The following REPS2 variants were observed in gnomAD, a reference collection of about 807,000 sequenced individuals.
REPS2 encodes ralBP1-associated Eps domain-containing protein 2.
In REPS2, 23 loss-of-function variants were observed where a neutral mutation model predicts 53.6. The observed-to-expected ratio is 0.43, with a 90% CI of 0.31 to 0.61. REPS2 has a LOEUF of 0.61. REPS2 is among the 20% of genes least tolerant of loss of function. The pLI is 0.11. For synonymous variants in REPS2, 238 were observed against 218.6 expected (o/e 1.09, Z -0.78); for missense variants, 446 against 534.9 (o/e 0.83, Z 1.64).
intron 14 of REPS2, among the ~76,000 whole-genome samples, chrX:17,122,752 CAGCTATTTCTAATTGAAAAATTTTAA>C (rs755741733): frequency 3.2e-4 from 36 of 111,996 alleles, no homozygotes; most frequent in Admixed American, 1.0e-3. Context: ...CCTTTCTGGC[CAGCTATTTCTAATTGAAAAATTTTAA>C]AGCCACATTA....
chrX:17,096,661 A>G (rs2062706026), intron 13 of REPS2, among the ~76,000 whole-genome samples: 1 of 21,698 alleles, frequency 4.6e-5, no homozygotes. Flanking sequence ...CTCCGTCTCA[A>G]AAAAAAAAAA....
At chrX:17,068,535 T>A in intron 10 of REPS2, 64 bp downstream of exon 10, 1 of 895,760 alleles carries the variant, frequency 1.1e-6, no homozygotes, top group Non-Finnish European at 1.6e-6. Flanking sequence ...CTACTCCTCT[T>A]GGAATGGTGG....
chrX:17,046,020 G>A (rs1485935788), intron 5 of REPS2, among the ~76,000 whole-genome samples: 1 of 110,120 alleles, frequency 9.1e-6, no homozygotes, highest in Non-Finnish European at 1.9e-5. Context: ...GGGTGGAATT[G>A]CCCGCCCAAT....
At position 17,062,453 on chromosome X, in the gene REPS2, A is replaced by G; in HGVS notation, c.1130A>G (p.Lys377Arg). Residue 377 changes from lysine (K) to arginine (R), a missense_variant, in exon 9 of 18, where the codon AAA becomes AGA. Transcript: ENST00000357277. ...EYLQAAFPKP[K>R]WDCQLFDSYS... Reference sequence around the variant, plus strand: ...TTCTTCTTAGCTTTTCCTAAGCCCAAATGGGACTGTCAATTATTTGATTCT... The same window carrying G: ...TTCTTCTTAGCTTTTCCTAAGCCCAGATGGGACTGTCAATTATTTGATTCT... 8.3e-7 allele frequency: 1 copy of G among 1,201,890 alleles called. No homozygotes were observed. The highest frequency in any genetic ancestry group is 1.1e-6 in the Non-Finnish European group (1 of 890,001).
chrX:16,966,007 A>G (rs1021341853), intron 1 of REPS2, among the ~76,000 whole-genome samples: 11 of 112,579 alleles, frequency 9.8e-5, no homozygotes, highest in Non-Finnish European at 2.1e-4. Flanking sequence ...GCACTCGGCA[A>G]GCTGAGGCAG....
rs772334608 is a variant in REPS2 at position 17,050,137 on chromosome X, T to TCTTCCTTCCTTCCTTCCTTCCTTCCTTC, written c.908-2238_908-2237insCCTTCCTTCCTTCCTTCCTTCCTTCCTT. ...TATGTTTCTTCTTTCTTTCTTCCTT[T>TCTTCCTTCCTTCCTTCCTTCCTTCCTTC]CTTCCTTTCTTTCTTTCTTTCTTTC... On this transcript the variant is annotated intron_variant, in intron 6 of 17. Coordinates refer to ENST00000357277, the MANE Select transcript of REPS2 (RefSeq NM_004726.3). Among the ~76,000 whole-genome samples, 13 of 48,997 alleles carry TCTTCCTTCCTTCCTTCCTTCCTTCCTTC rather than the reference T, an allele frequency of 2.7e-4. 1 individual carries two copies. Among genetic ancestry groups the TCTTCCTTCCTTCCTTCCTTCCTTCCTTC allele is most frequent in the Admixed American group, 4.2e-4 (1 of 2,409 alleles). The allele number at this position is 48,997 out of a possible 115,157, so 42.5% of individuals were successfully genotyped here.
intron 17 of REPS2, among the ~76,000 whole-genome samples, chrX:17,144,380 A>T (rs1339935949): frequency 8.9e-6 from 1 of 112,790 alleles, no homozygotes; most frequent in African/African-American, 3.2e-5. Flanking sequence ...TTCAGCCAAC[A>T]CTTATTTTAG....
intron 2 of REPS2, among the ~76,000 whole-genome samples, chrX:17,016,312 A>G (rs1211334312): frequency 8.9e-6 from 1 of 112,846 alleles, no homozygotes. Flanking sequence ...CTGTTGTAGT[A>G]TGAAAGTAGC....
At chrX:17,121,165 A>G (rs1370531073) in intron 14 of REPS2, among the ~76,000 whole-genome samples, 2 of 112,137 alleles carry the variant, frequency 1.8e-5, no homozygotes, top group Non-Finnish European at 3.8e-5. Flanking sequence ...AAAAGAAGCC[A>G]GACTCCTTCA....
the REPS2 span, among the ~76,000 whole-genome samples, chrX:17,186,784 G>C: frequency 1.8e-5 from 2 of 111,208 alleles, no homozygotes; most frequent in Non-Finnish European, 1.9e-5. Context: ...TTTAGTAGCT[G>C]ATGGTGACCC....
In REPS2 at chrX:16,947,011, C is replaced by A; in HGVS notation, c.150C>A (p.Gly50=). ...TCGCGCGCTGTGCCGGCGCCGCGGG[C>A]GGGGGCCCCGGGTCTGGGCCCCCCG... ...ELFARCAGAA[G]GGPGSGPPEA... Residue 50 remains glycine (G), a synonymous_variant, in exon 1 of 18, where the codon GGC becomes GGA. Transcript: ENST00000357277. The A allele has an allele frequency of 1.1e-6, 1 of 942,518 alleles. No homozygotes were observed. Among genetic ancestry groups the A allele is most frequent in the Non-Finnish European group, 1.3e-6 (1 of 761,863 alleles). 77.7% of individuals were successfully genotyped at this position (942,518 alleles called of 1,213,427 possible). A position where few individuals can be genotyped will look rare whatever the true frequency, so the allele number is the denominator to read the frequency against.
Position 16,953,606 on chromosome X carries a change from G to C in REPS2, c.273+6472G>C, listed in dbSNP as rs1034577143. 2.7e-5 allele frequency among the ~76,000 whole-genome samples: 3 copies of C among 112,212 alleles called. No individual in the cohort carries two copies. The South Asian group carries it at 1.1e-3, about 41-fold the overall frequency. On this transcript the variant is annotated intron_variant, in intron 1 of 17. Transcript: ENST00000357277. ...ATGTCTTTTCAACTTAAGGAATATC[G>C]TATTCTGTGTAACCTTCTGCAACTT... is the stretch of plus-strand genomic sequence containing the variant.
intron 17 of REPS2, 36 bp from the exon 18 acceptor site, chrX:17,147,377 T>A: frequency 8.9e-7 from 1 of 1,124,520 alleles, no homozygotes; most frequent in Non-Finnish European, 1.2e-6. Flanking sequence ...ATGACCCCTT[T>A]GCTTTTTTGT....
At chrX:17,053,115 G>A (rs776486769) in intron 7 of REPS2, among the ~76,000 whole-genome samples, 6 of 111,572 alleles carry the variant, frequency 5.4e-5, no homozygotes, top group South Asian at 3.8e-4. Context: ...GCAGGAGATC[G>A]CACTGCTATA....
Position 17,047,448 on chromosome X carries a change from A to G in REPS2, c.873A>G (p.Arg291=). The G allele has an allele frequency of 8.3e-7, 1 of 1,210,877 alleles. No individual in the cohort carries two copies. The change falls in exon 6 of 18, where the codon CGA becomes CGG. Residue 291 remains arginine, a synonymous_variant. Coordinates refer to ENST00000357277, the MANE Select transcript of REPS2 (RefSeq NM_004726.3). ...EQREYYVNQF[R]SLQPDPSSFI... ...GCGAGTACTATGTCAATCAGTTCCGATCCCTTCAGCCAGACCCAAGCTCTT... is the reference window on the plus strand; with the variant it reads ...GCGAGTACTATGTCAATCAGTTCCGGTCCCTTCAGCCAGACCCAAGCTCTT...
chrX:16,977,730 A>C (rs1452609793), intron 1 of REPS2, among the ~76,000 whole-genome samples: 3 of 108,756 alleles, frequency 2.8e-5, no homozygotes, highest in East Asian at 2.8e-4. Flanking sequence ...AAAAAAAAAA[A>C]AAAACAAACA....
intron 1 of REPS2, among the ~76,000 whole-genome samples, chrX:16,998,523 T>G (rs1017622471): frequency 8.9e-6 from 1 of 112,168 alleles, no homozygotes; most frequent in African/African-American, 3.2e-5. Context: ...AGCATGATGA[T>G]TTTTCTGTAT....
the REPS2 span, among the ~76,000 whole-genome samples, chrX:17,164,021 T>C: frequency 8.9e-6 from 1 of 112,442 alleles, no homozygotes; most frequent in African/African-American, 3.2e-5. Flanking sequence ...TATAAAGATG[T>C]AATTTGTAGA....
chrX:16,959,630 G>T (rs1001748035), intron 1 of REPS2, among the ~76,000 whole-genome samples: 1 of 111,689 alleles, frequency 9.0e-6, no homozygotes, highest in Non-Finnish European at 1.9e-5. Flanking sequence ...TTCCTTCCCA[G>T]TAGGATACGA....
Sources: gnomAD v4.1 joint callset for allele counts (sites outside exome capture counted in the v4.1 genomes callset) on GRCh38, gnomAD v4.1.1 for gene constraint, MANE v1.5 for transcripts, NCBI Gene and HGNC (gene_info 2026-07-23, HGNC 2026-07-21) for gene names.